MYOCD: variants seen among roughly 807,000 people sequenced by gnomAD.
The protein encoded by MYOCD is myocardin.
Under a neutral mutation model 96.1 loss-of-function variants are expected in MYOCD, and 32 were observed. The observed-to-expected ratio is 0.33, with a 90% CI of 0.25 to 0.45. The LOEUF (loss-of-function observed/expected upper bound fraction) is 0.45, where lower values mean the gene tolerates loss of function less well. MYOCD is among the 20% of genes least tolerant of loss of function. The probability of loss-of-function intolerance (pLI) is 1.00; values close to 1 mark genes in which losing one functional copy is unlikely to be tolerated. For synonymous variants in MYOCD, 469 were observed against 469.0 expected (o/e 1.00, Z 0.00); for missense variants, 1,133 against 1,200.6 (o/e 0.94, Z 0.83).
At chr17:12,677,896 GTTT>G (rs541655363) in intron 1 of MYOCD, among the ~76,000 whole-genome samples, 1,978 of 129,296 alleles carry the variant, frequency 0.015, 50 homozygotes, top group African/African-American at 0.053. Context: ...TTTCTTTTTT[GTTT>G]TTTTTTTTTT....
chr17:12,689,540 A>C (rs7215825), intron 1 of MYOCD, among the ~76,000 whole-genome samples: 32,351 of 152,200 alleles, frequency 0.21, 4,769 homozygotes, highest in African/African-American at 0.41. Flanking sequence ...ACAACTAATT[A>C]ACAATTTGAG....
chr17:12,757,827 T>A (rs995727619), intron 11 of MYOCD, among the ~76,000 whole-genome samples: 2 of 151,974 alleles, frequency 1.3e-5, no homozygotes, highest in Non-Finnish European at 2.9e-5. Flanking sequence ...CTGTTACTTA[T>A]TTTCCCCTAA....
chr17:12,756,431 T>C lies in MYOCD; in HGVS notation c.2076T>C (p.Asp692=), dbSNP rs1206276111. The change falls in exon 11 of 14, where the codon GAT becomes GAC. Residue 692 remains aspartate (D), a synonymous_variant. Coordinates refer to ENST00000425538, the MANE Select transcript of MYOCD (RefSeq NM_001146312.3). ...CTTTGCAGAACTCAGGAGCACACGATGGCCATCCTCCAAGCTTCTCTCCCC... is the reference window on the plus strand; with the variant it reads ...CTTTGCAGAACTCAGGAGCACACGACGGCCATCCTCCAAGCTTCTCTCCCC... ...VCTAQNSGAH[D]GHPPSFSPHS... 3.2e-6 allele frequency: 5 copies of C among 1,552,090 alleles called. No individual in the cohort carries two copies. Among genetic ancestry groups the C allele is most frequent in the Non-Finnish European group, 4.4e-6 (5 of 1,147,138 alleles).
intron 7 of MYOCD, among the ~76,000 whole-genome samples, chr17:12,741,714 T>C (rs1462391992): frequency 6.9e-6 from 1 of 144,342 alleles, no homozygotes; most frequent in Non-Finnish European, 1.5e-5. Context: ...TGTATATATA[T>C]ATAAAAAAAA....
intron 13 of MYOCD, 146 bp downstream of exon 13, chr17:12,760,853 C>T (rs12449924): frequency 0.029 from 19,544 of 680,288 alleles, 1,295 homozygotes; most frequent in East Asian, 0.17. Context: ...TTGAGCTTCT[C>T]GCACATTTTT....
chr17:12,700,136 C>T (rs2030992433), intron 1 of MYOCD, among the ~76,000 whole-genome samples: 1 of 151,814 alleles, frequency 6.6e-6, no homozygotes, highest in African/African-American at 2.4e-5. Flanking sequence ...GTCTTGGACT[C>T]CTGACCTCGT....
chr17:12,685,509 G>A (rs553976105), intron 1 of MYOCD, among the ~76,000 whole-genome samples: 24 of 151,996 alleles, frequency 1.6e-4, no homozygotes, highest in Admixed American at 2.6e-4. Context: ...GGGAGGCTGC[G>A]GCAGGAGAAT....
intron 1 of MYOCD, among the ~76,000 whole-genome samples, chr17:12,695,375 A>G (rs900645931): frequency 2.0e-5 from 3 of 152,128 alleles, no homozygotes; most frequent in Non-Finnish European, 2.9e-5. Flanking sequence ...TGACCTAGTG[A>G]CCTCTCAAAC....
chr17:12,752,209 G>A (rs1185735671), intron 9 of MYOCD, among the ~76,000 whole-genome samples: 1 of 152,104 alleles, frequency 6.6e-6, no homozygotes, highest in Non-Finnish European at 1.5e-5. Context: ...TGAAAACACC[G>A]TATACGATAA....
At chr17:12,723,041 T>G in intron 5 of MYOCD, 33 bp downstream of exon 5, 1 of 1,595,388 alleles carries the variant, frequency 6.3e-7, no homozygotes, top group South Asian at 1.1e-5. Context: ...CTCTCCTTGG[T>G]GCTATTGAGA....
rs28723604 is a variant in MYOCD, at chr17:12,767,026, G to C, written c.*3382G>C. ...AAGGAAGATAGGAGATGGGTAGGGG[G>C]GTAAAGAGAAAAGGAGGGAGAAGGG... On this transcript the variant is annotated 3_prime_UTR_variant, in exon 14 of 14. Transcript: ENST00000425538. 52,351 of 149,460 alleles carry C rather than the reference G, an allele frequency of 0.35. 9,587 individuals carry two copies. The highest frequency in any genetic ancestry group is 0.51 in the South Asian group (2,378 of 4,662). The allele number at this position is 149,460 out of a possible 1,614,324, so 9.3% of individuals were successfully genotyped here.
At chr17:12,670,554 C>T (rs949735064) in intron 1 of MYOCD, among the ~76,000 whole-genome samples, 2 of 152,208 alleles carry the variant, frequency 1.3e-5, no homozygotes, top group African/African-American at 2.4e-5. Context: ...GAAGCCCAGA[C>T]TATCTACCTT....
chr17:12,700,856 A>T (rs907326158), intron 1 of MYOCD, among the ~76,000 whole-genome samples: 3 of 152,150 alleles, frequency 2.0e-5, no homozygotes, highest in African/African-American at 4.8e-5. Context: ...TCACATCTGG[A>T]TAGAAATTCA....
In MYOCD at chr17:12,764,438, G is replaced by C. The variant is rs551038581; in HGVS notation, c.*794G>C. ...TGAAGAATGCAGACCTTCTTCCCCCGAAGGAGATGCCACAAGCTCTCCAAC... is the reference window on the plus strand; with the variant it reads ...TGAAGAATGCAGACCTTCTTCCCCCCAAGGAGATGCCACAAGCTCTCCAAC... On this transcript the variant is annotated 3_prime_UTR_variant, in exon 14 of 14. Transcript: ENST00000425538. The C allele has an allele frequency of 1.3e-5, 2 of 152,260 alleles. No individual in the cohort carries two copies. The highest frequency in any genetic ancestry group is 4.8e-5 in the African/African-American group (2 of 41,438). 9.4% of individuals were successfully genotyped at this position (152,260 alleles called of 1,614,324 possible).
intron 1 of MYOCD, among the ~76,000 whole-genome samples, chr17:12,690,655 C>T (rs973707974): frequency 2.6e-5 from 4 of 152,084 alleles, no homozygotes; most frequent in Non-Finnish European, 5.9e-5. Flanking sequence ...TACTTCTTTT[C>T]TCAGAATTTC....
intron 5 of MYOCD, among the ~76,000 whole-genome samples, chr17:12,727,234 T>A (rs866809908): frequency 6.6e-6 from 1 of 151,946 alleles, no homozygotes; most frequent in Non-Finnish European, 1.5e-5. Context: ...CCAAGAAAAA[T>A]CCAAAAGTGG....
chr17:12,745,359 G>A lies in MYOCD; in HGVS notation c.972-560G>A, dbSNP rs373658516. Among the ~76,000 whole-genome samples the A allele has an allele frequency of 2.8e-4, 42 of 152,060 alleles. No homozygotes were observed. In the East Asian group the frequency reaches 5.8e-3, roughly 21 times the overall value. On this transcript the variant is annotated intron_variant, in intron 8 of 13. Coordinates refer to ENST00000425538, the MANE Select transcript of MYOCD (RefSeq NM_001146312.3). Reference sequence around the variant, plus strand: ...CTAGTAGCTAGGATTACAGGCATGCGCCACCACGCCCGGCTAATTTTGTAT... The same window carrying A: ...CTAGTAGCTAGGATTACAGGCATGCACCACCACGCCCGGCTAATTTTGTAT...
chr17:12,736,956 G>A (rs1348001989), intron 6 of MYOCD, among the ~76,000 whole-genome samples: 2 of 152,172 alleles, frequency 1.3e-5, no homozygotes, highest in African/African-American at 4.8e-5. Context: ...CATTTATAAA[G>A]AATAATGATG....
Position 12,752,649 on chromosome 17 carries a change from C to T in MYOCD, c.1361C>T (p.Ser454Phe). 1 of 1,614,038 alleles carries T rather than the reference C, an allele frequency of 6.2e-7. No individual in the cohort carries two copies. The highest frequency in any genetic ancestry group is 8.5e-7 in the Non-Finnish European group (1 of 1,179,952). Residue 454 changes from serine to phenylalanine, a missense_variant, in exon 10 of 14, where the codon TCC becomes TTC. Ser to Phe is a radical substitution (Grantham distance 155). Transcript: ENST00000425538. Reference protein sequence around the residue: ...NGFYHFGSTSSSPPISPASSD... With the variant: ...NGFYHFGSTSFSPPISPASSD... ...TTCTACCACTTTGGCAGCACCAGCT[C>T]CAGCCCCCCGATCTCCCCAGCCTCC...
Sources: gnomAD v4.1 joint callset for allele counts (sites outside exome capture counted in the v4.1 genomes callset) on GRCh38, gnomAD v4.1.1 for gene constraint, MANE v1.5 for transcripts, NCBI Gene and HGNC (gene_info 2026-07-23, HGNC 2026-07-21) for gene names.